Variants in UFSP2 observed in about 807,000 individuals in gnomAD.
UFSP2 encodes ufm1-specific protease 2.
UFSP2 carries 43 observed loss-of-function variants against 60.2 expected under a neutral mutation model. That is an observed-to-expected ratio of 0.71 (90% confidence interval 0.56 to 0.92). The LOEUF is 0.92. Ranked by LOEUF, UFSP2 falls within the 40% of genes least tolerant of loss-of-function variation. The probability of loss-of-function intolerance (pLI) is 0.00; values close to 1 mark genes in which losing one functional copy is unlikely to be tolerated. For missense variants in UFSP2, 520 were observed against 575.0 expected (o/e 0.90, Z 0.98); for synonymous variants, 183 against 195.1 (o/e 0.94, Z 0.52).
At chr4:185,403,829 T>C (rs2095516200) in intron 10 of UFSP2, among the ~76,000 whole-genome samples, 1 of 151,206 alleles carries the variant, frequency 6.6e-6, no homozygotes, top group Non-Finnish European at 1.5e-5. Context: ...ACAAAAAAAA[T>C]AGCTGGGCTT....
At chr4:185,413,163 G>T (rs984431758) in intron 7 of UFSP2, among the ~76,000 whole-genome samples, 3 of 152,118 alleles carry the variant, frequency 2.0e-5, no homozygotes, top group Non-Finnish European at 2.9e-5. Flanking sequence ...AAACTAGCCA[G>T]GTGTGGTGGC....
At chr4:185,409,137 G>A (rs2095525041) in intron 7 of UFSP2, among the ~76,000 whole-genome samples, 1 of 152,016 alleles carries the variant, frequency 6.6e-6, no homozygotes, top group African/African-American at 2.4e-5. Context: ...AATGAAGGAA[G>A]GAATAAAGGA....
At chr4:185,407,495 T>C (rs2095522569) in intron 9 of UFSP2, among the ~76,000 whole-genome samples, 1 of 152,206 alleles carries the variant, frequency 6.6e-6, no homozygotes, top group African/African-American at 2.4e-5. Context: ...AATACATTAT[T>C]TGAACACATT....
At chr4:185,403,447 C>T in intron 11 of UFSP2, 47 bp downstream of exon 11, 2 of 1,597,554 alleles carry the variant, frequency 1.3e-6, no homozygotes, top group Non-Finnish European at 1.7e-6. Flanking sequence ...TCCTTCATTT[C>T]TAGCTTCTTT....
chr4:185,403,644 G>C (rs1425984843), intron 10 of UFSP2, 26 bp from the exon 11 acceptor site: 3 of 1,596,050 alleles, frequency 1.9e-6, no homozygotes, highest in Non-Finnish European at 2.6e-6. Flanking sequence ...TAGGAAATAC[G>C]AATGAAGGCA....
intron 2 of UFSP2, among the ~76,000 whole-genome samples, 182 bp downstream of exon 2, chr4:185,422,303 G>A (rs1241443619): frequency 6.6e-6 from 1 of 152,196 alleles, no homozygotes; most frequent in Non-Finnish European, 1.5e-5. Context: ...ACAGAGGTGC[G>A]CCATGGGCTG....
intron 7 of UFSP2, among the ~76,000 whole-genome samples, chr4:185,413,206 G>A (rs1259390833): frequency 6.6e-6 from 1 of 152,124 alleles, no homozygotes; most frequent in Non-Finnish European, 1.5e-5. Flanking sequence ...TGGCCAACAT[G>A]GTGAAACCCT....
At position 185,408,310 on chromosome 4, in the gene UFSP2, G is replaced by A; in HGVS notation, c.957C>T (p.Tyr319=). 7 of 1,614,138 alleles carry A rather than the reference G, an allele frequency of 4.3e-6. No individual in the cohort carries two copies. The highest frequency in any genetic ancestry group is 5.9e-6 in the Non-Finnish European group (7 of 1,180,010). Residue 319 remains tyrosine (Y), a synonymous_variant, in exon 8 of 12, where the codon TAC becomes TAT. Coordinates refer to ENST00000264689, the MANE Select transcript of UFSP2 (RefSeq NM_018359.5). ...TGTGTGTTGGAATGGACCTCTCTGT[G>A]TATCCCTGATGTTTGAACCAAGAGC... The part of the protein sequence containing the change: ...TICSWFKHQG[Y]TERSIPTHRE...
chr4:185,422,404 G>A, intron 2 of UFSP2, 81 bp downstream of exon 2: 4 of 1,038,362 alleles, frequency 3.9e-6, no homozygotes, highest in Non-Finnish European at 5.8e-6. Flanking sequence ...CTCTCTCTCA[G>A]TTTCATTTGC....
chr4:185,403,424 A>C, intron 11 of UFSP2, 70 bp downstream of exon 11: 1 of 1,569,558 alleles, frequency 6.4e-7, no homozygotes, highest in Non-Finnish European at 8.6e-7. Context: ...TTCTGTTACC[A>C]GCCAGTTTGT....
At chr4:185,420,872 A>C (rs1289121032) in intron 2 of UFSP2, among the ~76,000 whole-genome samples, 1 of 152,222 alleles carries the variant, frequency 6.6e-6, no homozygotes, top group Non-Finnish European at 1.5e-5. Context: ...ACTAGGTAAA[A>C]AGTATCTGTA....
intron 1 of UFSP2, among the ~76,000 whole-genome samples, chr4:185,424,010 T>C (rs990219118): frequency 1.3e-5 from 2 of 151,782 alleles, no homozygotes; most frequent in Admixed American, 6.6e-5. Flanking sequence ...TCTTCAAATG[T>C]AAAACACAGG....
chr4:185,420,095 A>C (rs2095546653), intron 2 of UFSP2, among the ~76,000 whole-genome samples: 1 of 152,230 alleles, frequency 6.6e-6, no homozygotes, highest in Non-Finnish European at 1.5e-5. Context: ...CTATTGAGTG[A>C]AATTTAAACC....
At chr4:185,422,036 G>A (rs2095550313) in intron 2 of UFSP2, among the ~76,000 whole-genome samples, 1 of 152,164 alleles carries the variant, frequency 6.6e-6, no homozygotes, top group African/African-American at 2.4e-5. Context: ...GCAACAGGAA[G>A]ACATCCTAGA....
At chr4:185,423,794 A>C (rs1416120165) in intron 1 of UFSP2, among the ~76,000 whole-genome samples, 1 of 152,110 alleles carries the variant, frequency 6.6e-6, no homozygotes, top group Non-Finnish European at 1.5e-5. Flanking sequence ...ACATATTCAT[A>C]CATATATACA....
At chr4:185,421,061 G>C (rs900931825) in intron 2 of UFSP2, among the ~76,000 whole-genome samples, 2 of 152,192 alleles carry the variant, frequency 1.3e-5, no homozygotes, top group Non-Finnish European at 2.9e-5. Flanking sequence ...GCCTGAAAAT[G>C]AGTGATTTAG....
chr4:185,418,080 C>T (rs12648482), intron 4 of UFSP2, among the ~76,000 whole-genome samples: 12,787 of 40,898 alleles, frequency 0.31, 956 homozygotes, highest in African/African-American at 0.43. Context: ...ACAACAGAAC[C>T]AAGAGTAGTG....
intron 2 of UFSP2, among the ~76,000 whole-genome samples, chr4:185,421,269 C>T (rs1302304521): frequency 6.6e-6 from 1 of 152,142 alleles, no homozygotes; most frequent in Non-Finnish European, 1.5e-5. Flanking sequence ...CTCCCTTCCA[C>T]GGGGCTAGTA....
chr4:185,413,759 A>T lies in UFSP2; in HGVS notation c.798T>A (p.Thr266=), dbSNP rs1450280520. The part of the protein sequence containing the change: ...YKDGYIRNPH[T]YLNPPNMETG... ...TCTCCATGTTAGGTGGATTAAGGTA[A>T]GTATGTGGATTTCTAATGTAACCAT... The change falls in exon 7 of 12, where the codon ACT becomes ACA. Residue 266 remains threonine, a synonymous_variant. Coordinates refer to ENST00000264689, the MANE Select transcript of UFSP2 (RefSeq NM_018359.5). 9 of 1,613,056 alleles carry T rather than the reference A, an allele frequency of 5.6e-6. No homozygotes were observed. The highest frequency in any genetic ancestry group is 3.3e-5 in the Admixed American group (2 of 59,832).
Sources: gnomAD v4.1 joint callset for allele counts (sites outside exome capture counted in the v4.1 genomes callset) on GRCh38, gnomAD v4.1.1 for gene constraint, MANE v1.5 for transcripts, NCBI Gene and HGNC (gene_info 2026-07-23, HGNC 2026-07-21) for gene names.